ESRRG: variants seen among roughly 807,000 people sequenced by gnomAD.
ESRRG encodes estrogen related receptor gamma, also known as estrogen-related receptor gamma.
Under a neutral mutation model 44.0 loss-of-function variants are expected in ESRRG, and 13 were observed. That is an observed-to-expected ratio of 0.30 (90% confidence interval 0.19 to 0.47). ESRRG has a LOEUF of 0.47. Ranked by LOEUF, ESRRG falls within the 20% of genes least tolerant of loss-of-function variation. The probability of loss-of-function intolerance (pLI) is 1.00; values close to 1 mark genes in which losing one functional copy is unlikely to be tolerated. For synonymous variants in ESRRG, 215 were observed against 214.6 expected, an observed-to-expected ratio of 1.00 and a Z score of -0.02; for missense variants, 395 against 580.6, an observed-to-expected ratio of 0.68 and a Z score of 3.29.
intron 1 of ESRRG, among the ~76,000 whole-genome samples, chr1:217,080,506 T>A (rs969659268): frequency 2.6e-5 from 4 of 152,156 alleles, no homozygotes; most frequent in African/African-American, 7.2e-5. Flanking sequence ...TTCATTTGTT[T>A]AGCACGTATC....
Position 216,897,200 on chromosome 1 carries a change from T to C in ESRRG, c.-14+42382A>G, listed in dbSNP as rs148765620. Reference sequence around the variant, plus strand: ...TACAAATGAGAAGGACCCAGTGGATTTGCCATACAAAGTACCTCTGAGTAA... The same window carrying C: ...TACAAATGAGAAGGACCCAGTGGATCTGCCATACAAAGTACCTCTGAGTAA... On this transcript the variant is annotated intron_variant, in intron 2 of 7. Coordinates refer to the ESRRG transcript ENST00000359162. Among the ~76,000 whole-genome samples, 67 of 152,324 alleles carry C rather than the reference T, an allele frequency of 4.4e-4. 1 individual carries two copies. Among genetic ancestry groups the C allele is most frequent in the African/African-American group, 1.5e-3 (63 of 41,590 alleles).
chr1:217,088,383 T>G (rs968388425), intron 1 of ESRRG, among the ~76,000 whole-genome samples: 3 of 149,748 alleles, frequency 2.0e-5, no homozygotes, highest in African/African-American at 7.3e-5. Context: ...TGCTGAGAAT[T>G]TCTTTTTTTC....
intron 6 of ESRRG, among the ~76,000 whole-genome samples, chr1:216,516,022 T>C (rs1371975910): frequency 1.3e-5 from 2 of 152,084 alleles, no homozygotes; most frequent in Non-Finnish European, 2.9e-5. Flanking sequence ...AATTTGATAT[T>C]AGTCAAACCT....
At chr1:216,988,361 G>T (rs2075199203) in intron 1 of ESRRG, among the ~76,000 whole-genome samples, 1 of 152,124 alleles carries the variant, frequency 6.6e-6, no homozygotes, top group Non-Finnish European at 1.5e-5. Flanking sequence ...ACCTGTAAAA[G>T]ACTATTTTTG....
upstream of ESRRG, among the ~76,000 whole-genome samples, chr1:217,092,330 G>A (rs1003934506): frequency 5.3e-5 from 8 of 152,294 alleles, no homozygotes; most frequent in Admixed American, 5.2e-4. Context: ...GTAGACGGAA[G>A]ATATAGAAGG....
chr1:217,089,210 G>C (rs1024288977), intron 1 of ESRRG, among the ~76,000 whole-genome samples: 1 of 152,066 alleles, frequency 6.6e-6, no homozygotes, highest in Admixed American at 6.5e-5. Flanking sequence ...TCCAGGAAGG[G>C]GGATGGGAGG....
chr1:216,562,146 T>C lies in ESRRG; in HGVS notation c.862+2073A>G, dbSNP rs1487113968. 2.0e-5 allele frequency among the ~76,000 whole-genome samples: 3 copies of C among 152,190 alleles called. No homozygotes were observed. The East Asian group carries it at 5.8e-4, about 29-fold the overall frequency. ...TGGTTTTTATTATGCTTTATCTGTATGATATCAAAATATTGGCCTTACAAA... is the reference window on the plus strand; with the variant it reads ...TGGTTTTTATTATGCTTTATCTGTACGATATCAAAATATTGGCCTTACAAA... On this transcript the variant is annotated intron_variant, in intron 5 of 6. Coordinates refer to ENST00000408911, the MANE Select transcript of ESRRG (RefSeq NM_001438.4).
chr1:217,117,261 A>C (rs1436798845), intron 1 of ESRRG, among the ~76,000 whole-genome samples: 1 of 152,184 alleles, frequency 6.6e-6, no homozygotes, highest in Admixed American at 6.5e-5. Flanking sequence ...GGATTAAGTA[A>C]AATGATTAAA....
intron 1 of ESRRG, among the ~76,000 whole-genome samples, chr1:217,060,752 C>A (rs1387141793): frequency 6.6e-6 from 1 of 150,506 alleles, no homozygotes; most frequent in African/African-American, 2.4e-5. Flanking sequence ...AGAAAAAAGT[C>A]AACTTTGAGT....
At chr1:216,554,281 C>G (rs1227250938) in intron 5 of ESRRG, among the ~76,000 whole-genome samples, 1 of 151,868 alleles carries the variant, frequency 6.6e-6, no homozygotes, top group Non-Finnish European at 1.5e-5. Flanking sequence ...TGGTGAAACT[C>G]CTCCTCTACT....
At chr1:217,080,228 A>G (rs2091635351) in intron 1 of ESRRG, among the ~76,000 whole-genome samples, 1 of 152,180 alleles carries the variant, frequency 6.6e-6, no homozygotes, top group African/African-American at 2.4e-5. Flanking sequence ...TGTTAAAATT[A>G]CTTTATATTC....
intron 2 of ESRRG, among the ~76,000 whole-genome samples, chr1:216,663,685 A>G (rs6695570): frequency 0.39 from 58,824 of 152,000 alleles, 12,366 homozygotes; most frequent in Middle Eastern, 0.49. Context: ...AACAACAACA[A>G]AAAGGGACTG....
intron 2 of ESRRG, among the ~76,000 whole-genome samples, chr1:216,670,646 C>T (rs1423789814): frequency 6.6e-6 from 1 of 152,192 alleles, no homozygotes; most frequent in Non-Finnish European, 1.5e-5. Context: ...GCGGGACTCT[C>T]TCTTGGGTCT....
At chr1:216,561,287 T>C (rs1488095015) in intron 5 of ESRRG, among the ~76,000 whole-genome samples, 1 of 152,138 alleles carries the variant, frequency 6.6e-6, no homozygotes, top group East Asian at 1.9e-4. Context: ...AAAACATATA[T>C]GTACGTGTAT....
In ESRRG at chr1:216,620,521, C is replaced by T. The variant is rs1574238327; in HGVS notation, c.589+30452G>A. Among the ~76,000 whole-genome samples the T allele has an allele frequency of 2.0e-5, 3 of 152,180 alleles. No homozygotes were observed. The South Asian group carries it at 6.2e-4, about 32-fold the overall frequency. On this transcript the variant is annotated intron_variant, in intron 3 of 6. Transcript: ENST00000408911. ...GATATACCACTTAAGGACTGGCAAACCTATAAAAAGAATTAATGAGGCCTA... is the reference window on the plus strand; with the variant it reads ...GATATACCACTTAAGGACTGGCAAATCTATAAAAAGAATTAATGAGGCCTA...
intron 2 of ESRRG, among the ~76,000 whole-genome samples, chr1:216,751,099 G>A (rs1442052756): frequency 6.6e-6 from 1 of 152,066 alleles, no homozygotes; most frequent in African/African-American, 2.4e-5. Context: ...CTGGAGTTGG[G>A]AATTTTGGCA....
At chr1:216,607,085 G>A (rs188303205) in intron 3 of ESRRG, among the ~76,000 whole-genome samples, 37 of 152,250 alleles carry the variant, frequency 2.4e-4, no homozygotes, top group African/African-American at 8.4e-4. Flanking sequence ...GTTGTCCTTA[G>A]GAAACTGTAA....
intron 1 of ESRRG, among the ~76,000 whole-genome samples, chr1:217,133,363 C>G (rs189474103): frequency 6.6e-6 from 1 of 152,390 alleles, no homozygotes; most frequent in Admixed American, 6.5e-5. Flanking sequence ...CCTAGCGCCC[C>G]ATCTTCAGGA....
intron 1 of ESRRG, among the ~76,000 whole-genome samples, chr1:216,683,680 C>T (rs76152112): frequency 0.012 from 1,756 of 152,268 alleles, 33 homozygotes; most frequent in African/African-American, 0.04. Context: ...TAATCAAGAC[C>T]TTCAACTCAT....
Sources: gnomAD v4.1 joint callset for allele counts (sites outside exome capture counted in the v4.1 genomes callset) on GRCh38, gnomAD v4.1.1 for gene constraint, MANE v1.5 for transcripts, NCBI Gene and HGNC (gene_info 2026-07-23, HGNC 2026-07-21) for gene names.